R3HCC1: variants seen among roughly 807,000 people sequenced by gnomAD.
R3HCC1 encodes R3H and coiled-coil domain-containing protein 1.
Under a neutral mutation model 40.0 loss-of-function variants are expected in R3HCC1, and 32 were observed. The observed-to-expected ratio is 0.80, with a 90% CI of 0.60 to 1.07. R3HCC1 has a LOEUF of 1.07. Ranked by LOEUF, R3HCC1 falls within the 50% of genes least tolerant of loss-of-function variation. R3HCC1 has a pLI of 0.00. For missense variants in R3HCC1, 586 were observed against 563.3 expected (o/e 1.04, Z -0.41); for synonymous variants, 237 against 232.8 (o/e 1.02, Z -0.17).
rs1306774198 is a variant in R3HCC1, at chr8:23,291,476, A to G, written c.968A>G (p.Tyr323Cys). 10 of 1,551,604 alleles carry G rather than the reference A, an allele frequency of 6.4e-6. No individual in the cohort carries two copies. Among genetic ancestry groups the G allele is most frequent in the East Asian group, 2.4e-5 (1 of 40,916 alleles). The change falls in exon 5 of 8, where the codon TAT becomes TGT. Residue 323 changes from tyrosine to cysteine, a missense_variant. Transcript: ENST00000265806. Reference sequence around the variant, plus strand: ...GACCTTGCCCACGTGGTAGAGATCTATGACTTTGAACCAGCGCTCAAGACG... The same window carrying G: ...GACCTTGCCCACGTGGTAGAGATCTGTGACTTTGAACCAGCGCTCAAGACG...
chr8:23,293,449 G>C, intron 6 of R3HCC1, 76 bp downstream of exon 6: 1 of 1,165,772 alleles, frequency 8.6e-7, no homozygotes, highest in African/African-American at 1.5e-5. Context: ...CCTGGGTAGA[G>C]GCCACCATCT....
chr8:23,291,159 G>A, intron 4 of R3HCC1: 1 of 533,930 alleles, frequency 1.9e-6, no homozygotes. Context: ...CACTTAGTGG[G>A]GACTCCATAC....
intron 4 of R3HCC1, among the ~76,000 whole-genome samples, chr8:23,290,758 G>A (rs1008248001): frequency 6.6e-6 from 1 of 152,172 alleles, no homozygotes; most frequent in African/African-American, 2.4e-5. Flanking sequence ...CCTTCACTAG[G>A]TCATGGAGAT....
rs1802843868 is a variant in R3HCC1, at chr8:23,290,470, G to A, written c.852+1G>A. 3.2e-6 allele frequency: 5 copies of A among 1,547,110 alleles called. No homozygotes were observed. Among genetic ancestry groups the A allele is most frequent in the Non-Finnish European group, 4.4e-6 (5 of 1,144,604 alleles). ...CGATTACAGTGAGCTGCTGCAGGAGGTGATGAGGCTCTTGAGCCCGAAAAG... is the reference window on the plus strand; with the variant it reads ...CGATTACAGTGAGCTGCTGCAGGAGATGATGAGGCTCTTGAGCCCGAAAAG... On this transcript the variant is annotated splice_donor_variant, in intron 4 of 7. Transcript: ENST00000265806. LOFTEE classifies it high-confidence loss of function.
chr8:23,294,878 A>C lies in R3HCC1; in HGVS notation c.1192+14A>C. 2.0e-6 allele frequency: 3 copies of C among 1,527,398 alleles called. No homozygotes were observed. The highest frequency in any genetic ancestry group is 1.8e-6 in the Non-Finnish European group (2 of 1,125,468). The allele number at this position is 1,527,398 out of a possible 1,614,324, so 94.6% of individuals were successfully genotyped here. A position where few individuals can be genotyped will look rare whatever the true frequency, so the allele number is the denominator to read the frequency against. ...TGCAGAGGCCAAGTAAGGAAAGCGCATGTCCCTGAATAGGGAGGCTGTGTG... is the reference window on the plus strand; with the variant it reads ...TGCAGAGGCCAAGTAAGGAAAGCGCCTGTCCCTGAATAGGGAGGCTGTGTG... On this transcript the variant is annotated intron_variant, in intron 7 of 7. Transcript: ENST00000265806.
In R3HCC1 at chr8:23,294,787, G is replaced by C. The variant is rs1400947165; in HGVS notation, c.1115G>C (p.Arg372Pro). 1 of 1,551,290 alleles carries C rather than the reference G, an allele frequency of 6.4e-7. No individual in the cohort carries two copies. The highest frequency in any genetic ancestry group is 1.4e-5 in the African/African-American group (1 of 73,142). ...TCCACAGCTGCGGAAGCCCTGACCC[G>C]GGAGTTCTCGGTGCTCAAGATCCGG... Residue 372 changes from arginine (R) to proline (P), a missense_variant, in exon 7 of 8, where the codon CGG (arginine) becomes CCG (proline). Coordinates refer to ENST00000265806, the MANE Select transcript of R3HCC1 (RefSeq NM_001136108.3).
chr8:23,292,741 C>A (rs937640429), intron 5 of R3HCC1, among the ~76,000 whole-genome samples: 1 of 152,252 alleles, frequency 6.6e-6, no homozygotes. Context: ...AGGGGCAACA[C>A]GTTCTGCTCT....
chr8:23,295,385 G>C (rs1431775759), intron 7 of R3HCC1: 3 of 441,724 alleles, frequency 6.8e-6, no homozygotes, highest in African/African-American at 6.1e-5. Flanking sequence ...TGGCATACCT[G>C]CCTGGAGCCC....
chr8:23,289,916 G>T lies in R3HCC1; in HGVS notation c.299G>T (p.Cys100Phe). 6.5e-7 allele frequency: 1 copy of T among 1,535,162 alleles called. No homozygotes were observed. Among genetic ancestry groups the T allele is most frequent in the Non-Finnish European group, 8.7e-7 (1 of 1,146,268 alleles). ...GGCCCCTGCCGCGCTCCTGCCTCCT[G>T]CCCCAGCAGGTACCACGGTCCTCGG... The change falls in exon 4 of 8, where the codon TGC (cysteine) becomes TTC (phenylalanine). Residue 100 changes from cysteine to phenylalanine, a missense_variant. Transcript: ENST00000265806.
intron 7 of R3HCC1, 23 bp downstream of exon 7, chr8:23,294,887 A>T: frequency 1.3e-6 from 2 of 1,496,236 alleles, no homozygotes; most frequent in Non-Finnish European, 1.8e-6. Flanking sequence ...CATGTCCCTG[A>T]ATAGGGAGGC....
At chr8:23,294,915 G>A (rs1221841926) in intron 7 of R3HCC1, 51 bp downstream of exon 7, 11 of 1,282,986 alleles carry the variant, frequency 8.6e-6, no homozygotes, top group African/African-American at 3.0e-5. Flanking sequence ...GTGTGTGTGC[G>A]TGCGAGCATG....
At position 23,296,204 on chromosome 8, in the gene R3HCC1, C is replaced by T. The variant is rs1803016572; in HGVS notation, c.*107C>T. The stretch of plus-strand genomic sequence containing the variant: ...GCAGCCCCGCACCACCCTCGAGCTT[C>T]ACCATGGGGTGTGGTGGGCTTTAGT... On this transcript the variant is annotated 3_prime_UTR_variant, in exon 8 of 8. Coordinates refer to ENST00000265806, the MANE Select transcript of R3HCC1 (RefSeq NM_001136108.3). The T allele has an allele frequency of 2.3e-6, 3 of 1,311,946 alleles. No individual in the cohort carries two copies. Among genetic ancestry groups the T allele is most frequent in the Non-Finnish European group, 3.0e-6 (3 of 984,872 alleles). The allele number at this position is 1,311,946 out of a possible 1,614,324, so 81.3% of individuals were successfully genotyped here.
At chr8:23,291,132 T>C (rs369520610) in intron 4 of R3HCC1, 6 of 450,032 alleles carry the variant, frequency 1.3e-5, no homozygotes, top group African/African-American at 1.2e-4. Context: ...TGGAACATTA[T>C]GTGTGTAATT....
chr8:23,295,605 T>A (rs1585336591), intron 7 of R3HCC1: 1 of 460,920 alleles, frequency 2.2e-6, no homozygotes, highest in Non-Finnish European at 4.2e-6. Flanking sequence ...CTTGGAACAA[T>A]AAATATCCTG....
chr8:23,296,210 G>C lies in R3HCC1; in HGVS notation c.*113G>C. ...CCGCACCACCCTCGAGCTTCACCAT[G>C]GGGTGTGGTGGGCTTTAGTTTAGTC... On this transcript the variant is annotated 3_prime_UTR_variant, in exon 8 of 8. Coordinates refer to ENST00000265806, the MANE Select transcript of R3HCC1 (RefSeq NM_001136108.3). 7 of 1,238,930 alleles carry C rather than the reference G, an allele frequency of 5.7e-6. No individual in the cohort carries two copies. Among genetic ancestry groups the C allele is most frequent in the Non-Finnish European group, 7.6e-6 (7 of 921,106 alleles). The allele number at this position is 1,238,930 out of a possible 1,614,324, so 76.7% of individuals were successfully genotyped here. A position where few individuals can be genotyped will look rare whatever the true frequency, so the allele number is the denominator to read the frequency against.
chr8:23,291,837 GCCT>G (rs1271032264), intron 5 of R3HCC1, among the ~76,000 whole-genome samples: 1 of 152,224 alleles, frequency 6.6e-6, no homozygotes, highest in East Asian at 1.9e-4. Context: ...GGACATGGCA[GCCT>G]CCTCTTCTCC....
chr8:23,292,436 G>C (rs1437632660), intron 5 of R3HCC1, among the ~76,000 whole-genome samples: 1 of 152,132 alleles, frequency 6.6e-6, no homozygotes, highest in African/African-American at 2.4e-5. Context: ...AACCCTGCCT[G>C]TCTCTACTAA....
chr8:23,294,816 C>T lies in R3HCC1; in HGVS notation c.1144C>T (p.Leu382Phe). 5.2e-6 allele frequency: 8 copies of T among 1,551,482 alleles called. No individual in the cohort carries two copies. Among genetic ancestry groups the T allele is most frequent in the Non-Finnish European group, 7.0e-6 (8 of 1,146,954 alleles). ...GTTCTCGGTGCTCAAGATCCGGCCC[C>T]TCACACAGGGAACCAAGCAGTCAAA... The change falls in exon 7 of 8, where the codon CTC (leucine) becomes TTC (phenylalanine). Residue 382 changes from leucine to phenylalanine, a missense_variant. Physicochemically the swap from Leu to Phe is conservative, Grantham distance 22 (BLOSUM62 0). Coordinates refer to ENST00000265806, the MANE Select transcript of R3HCC1 (RefSeq NM_001136108.3).
At chr8:23,293,032 A>G (rs1802902500) in intron 5 of R3HCC1, among the ~76,000 whole-genome samples, 1 of 152,198 alleles carries the variant, frequency 6.6e-6, no homozygotes, top group African/African-American at 2.4e-5. Context: ...GTGTCGTGCC[A>G]TATGAGCTCT....
Sources: gnomAD v4.1 joint callset for allele counts (sites outside exome capture counted in the v4.1 genomes callset) on GRCh38, gnomAD v4.1.1 for gene constraint, MANE v1.5 for transcripts, NCBI Gene and HGNC (gene_info 2026-07-23, HGNC 2026-07-21) for gene names.